Variants in CNNM3 observed in about 807,000 individuals in gnomAD.
CNNM3 encodes the protein metal transporter CNNM3.
Under a neutral mutation model 57.1 loss-of-function variants are expected in CNNM3, and 47 were observed. The observed-to-expected ratio is 0.82, with a 90% CI of 0.65 to 1.05. The LOEUF (loss-of-function observed/expected upper bound fraction) is 1.05, where lower values mean the gene tolerates loss of function less well. CNNM3 is among the 50% of genes least tolerant of loss of function. CNNM3 has a pLI of 0.00. For missense variants in CNNM3, 957 were observed against 973.7 expected (o/e 0.98, Z 0.23); for synonymous variants, 507 against 478.2 (o/e 1.06, Z -0.79).
Position 96,832,925 on chromosome 2 carries a change from C to T in CNNM3, c.*309C>T. The T allele has an allele frequency of 1.4e-6, 2 of 1,425,312 alleles. No individual in the cohort carries two copies. The highest frequency in any genetic ancestry group is 1.9e-6 in the Non-Finnish European group (2 of 1,076,584). 88.3% of individuals were successfully genotyped at this position (1,425,312 alleles called of 1,614,324 possible). On this transcript the variant is annotated 3_prime_UTR_variant, in exon 8 of 8. Coordinates refer to ENST00000305510, the MANE Select transcript of CNNM3 (RefSeq NM_017623.5). ...CCAGCCTTCCCCTTCTCCCCCGGGGCAGGGACAGTGCGGCATATTCAGATT... is the reference window on the plus strand; with the variant it reads ...CCAGCCTTCCCCTTCTCCCCCGGGGTAGGGACAGTGCGGCATATTCAGATT...
intron 5 of CNNM3, 88 bp downstream of exon 5, chr2:96,828,283 C>T (rs1480753055): frequency 1.6e-5 from 17 of 1,086,126 alleles, no homozygotes; most frequent in Non-Finnish European, 2.3e-5. Flanking sequence ...AGTGCCCCTC[C>T]TCACCTCTCC....
At position 96,829,207 on chromosome 2, in the gene CNNM3, C is replaced by T. The variant is rs2079561041; in HGVS notation, c.2059+73C>T. ...GTGAGCTCACACACACAGACTTGCA[C>T]TCTCGCCGCCCCCCCACCCTCTGTC... On this transcript the variant is annotated intron_variant, in intron 7 of 7. Transcript: ENST00000305510. The T allele has an allele frequency of 2.6e-6, 4 of 1,517,730 alleles. No homozygotes were observed. The East Asian group carries it at 9.4e-5, about 36-fold the overall frequency. The allele number at this position is 1,517,730 out of a possible 1,614,324, so 94.0% of individuals were successfully genotyped here.
chr2:96,828,680 T>C lies in CNNM3; in HGVS notation c.1900T>C (p.Ser634Pro). 5 of 1,614,176 alleles carry C rather than the reference T, an allele frequency of 3.1e-6. No individual in the cohort carries two copies. The South Asian group carries it at 3.3e-5, about 11-fold the overall frequency. Reference protein sequence around the residue: ...YCPDYTVRALSDLQLIKVTRL... With the variant: ...YCPDYTVRALPDLQLIKVTRL... ...TCCCGACTACACCGTGAGGGCGCTC[T>C]CTGATCTGCAGCTCATCAAGGTGAC... The change falls in exon 6 of 8, where the codon TCT becomes CCT. Residue 634 changes from serine to proline, a missense_variant. Coordinates refer to ENST00000305510, the MANE Select transcript of CNNM3 (RefSeq NM_017623.5).
Position 96,816,268 on chromosome 2 carries a change from G to A in CNNM3, c.-10G>A. 2 of 1,311,222 alleles carry A rather than the reference G, an allele frequency of 1.5e-6. No homozygotes were observed. The highest frequency in any genetic ancestry group is 1.9e-6 in the Non-Finnish European group (2 of 1,032,198). The allele number at this position is 1,311,222 out of a possible 1,614,324, so 81.2% of individuals were successfully genotyped here. ...AGGCTGCGCGAGAGGCCGAGAGGGG[G>A]CAGCAGGCGATGGCGGCGGCGGTAG... On this transcript the variant is annotated 5_prime_UTR_variant, in exon 1 of 8. Coordinates refer to ENST00000305510, the MANE Select transcript of CNNM3 (RefSeq NM_017623.5).
Position 96,832,747 on chromosome 2 carries a change from C to G in CNNM3, c.*131C>G. 1 of 1,539,662 alleles carries G rather than the reference C, an allele frequency of 6.5e-7. No homozygotes were observed. The highest frequency in any genetic ancestry group is 8.7e-7 in the Non-Finnish European group (1 of 1,147,998). On this transcript the variant is annotated 3_prime_UTR_variant, in exon 8 of 8. Coordinates refer to ENST00000305510, the MANE Select transcript of CNNM3 (RefSeq NM_017623.5). ...ACGTTTTAGATGGCCCTTGTAGTTG[C>G]GGGTCCTGGGTGTCCTCAGAACTAG...
intron 2 of CNNM3, among the ~76,000 whole-genome samples, 179 bp from the exon 3 acceptor site, chr2:96,826,654 G>T (rs917208044): frequency 3.9e-5 from 6 of 152,162 alleles, no homozygotes; most frequent in African/African-American, 1.4e-4. Flanking sequence ...TGTGTGGTTG[G>T]GGTGGGAGCA....
chr2:96,832,565 C>T lies in CNNM3; in HGVS notation c.2073C>T (p.Ser691=), dbSNP rs1268653337. The T allele has an allele frequency of 1.2e-6, 2 of 1,614,222 alleles. No individual in the cohort carries two copies. Among genetic ancestry groups the T allele is most frequent in the Non-Finnish European group, 1.7e-6 (2 of 1,180,046 alleles). ...TGTCTCCTGTAGGGTCCAGCCACAG[C>T]AGGCCCGGCGTCCCGGTGGAAGGCA... ...KTTTAAGSSH[S]RPGVPVEGSP... The change falls in exon 8 of 8, where the codon AGC becomes AGT. Residue 691 remains serine (S), a synonymous_variant. Transcript: ENST00000305510.
intron 7 of CNNM3, among the ~76,000 whole-genome samples, chr2:96,829,581 A>G (rs2079567432): frequency 1.3e-5 from 2 of 150,044 alleles, no homozygotes; most frequent in Non-Finnish European, 2.9e-5. Flanking sequence ...GATTACAGGC[A>G]TGAACCACTG....
intron 1 of CNNM3, among the ~76,000 whole-genome samples, chr2:96,818,706 A>G (rs2079363025): frequency 6.6e-6 from 1 of 152,018 alleles, no homozygotes; most frequent in African/African-American, 2.4e-5. Context: ...GTCCTCTCCA[A>G]CATCATCCTT....
chr2:96,817,019 A>G lies in CNNM3; in HGVS notation c.742A>G (p.Thr248Ala). The G allele has an allele frequency of 7.3e-7, 1 of 1,368,326 alleles. No individual in the cohort carries two copies. The highest frequency in any genetic ancestry group is 9.5e-7 in the Non-Finnish European group (1 of 1,056,006). The allele number at this position is 1,368,326 out of a possible 1,614,324, so 84.8% of individuals were successfully genotyped here. A position where few individuals can be genotyped will look rare whatever the true frequency, so the allele number is the denominator to read the frequency against. Residue 248 changes from threonine to alanine, a missense_variant, in exon 1 of 8, where the codon ACG becomes GCG. By Grantham distance (58) the Thr-to-Ala change is moderately conservative. Around this residue, in one of 2 missense-constraint regions of CNNM3, gnomAD observed 466 missense variants for 403.1 expected, o/e 1.16. Coordinates refer to ENST00000305510, the MANE Select transcript of CNNM3 (RefSeq NM_017623.5). ...VVPAAVSGRW[T>A]LALAPRALGL... The stretch of plus-strand genomic sequence containing the variant: ...GCCGGCCGCCGTGAGCGGGCGCTGG[A>G]CGCTGGCGCTGGCGCCGCGAGCGCT...
At chr2:96,835,714 G>A (rs773597022), downstream of CNNM3, among the ~76,000 whole-genome samples, 4 of 152,112 alleles carry the variant, frequency 2.6e-5, no homozygotes, top group African/African-American at 4.8e-5. Context: ...TGATCTGCCC[G>A]CCTCAGCCTC....
At chr2:96,830,425 G>C (rs985706101) in intron 7 of CNNM3, among the ~76,000 whole-genome samples, 41 of 152,214 alleles carry the variant, frequency 2.7e-4, no homozygotes, top group Admixed American at 2.7e-3. Flanking sequence ...ACTCTGACCT[G>C]CTTCCTGTAG....
Position 96,816,324 on chromosome 2 carries a change from C to T in CNNM3, c.47C>T (p.Ala16Val). Residue 16 changes from alanine to valine, a missense_variant, in exon 1 of 8, where the codon GCC becomes GTC. Physicochemically the swap from Ala to Val is moderately conservative, Grantham distance 64 (BLOSUM62 0). Around this residue, in one of 2 missense-constraint regions of CNNM3, gnomAD observed 466 missense variants for 403.1 expected, o/e 1.16. Coordinates refer to ENST00000305510, the MANE Select transcript of CNNM3 (RefSeq NM_017623.5). ...AAAGRLGWLF[A>V]ALCLGNAAGE... ...GCGGGTCGGTTAGGCTGGTTGTTCG[C>T]CGCGCTCTGCCTGGGCAACGCCGCG... is the stretch of plus-strand genomic sequence containing the variant. 1.6e-6 allele frequency: 2 copies of T among 1,287,422 alleles called. No individual in the cohort carries two copies. Among genetic ancestry groups the T allele is most frequent in the African/African-American group, 1.5e-5 (1 of 64,910 alleles). The allele number at this position is 1,287,422 out of a possible 1,614,324, so 79.7% of individuals were successfully genotyped here. A position where few individuals can be genotyped will look rare whatever the true frequency, so the allele number is the denominator to read the frequency against.
chr2:96,832,055 A>G, intron 7 of CNNM3: 2 of 988,070 alleles, frequency 2.0e-6, no homozygotes, highest in Non-Finnish European at 2.4e-6. Flanking sequence ...TTTTGTTTTC[A>G]GAGCACACGT....
rs1439548118 is a variant in CNNM3 at position 96,827,965 on chromosome 2, A to G, written c.1689+65A>G. ...TCAGGCCAGGGAAGGGTCTAGGAGA[A>G]GAGGGGAGCAGGGGCATGCGGATAT... is the stretch of plus-strand genomic sequence containing the variant. On this transcript the variant is annotated intron_variant, in intron 4 of 7. Transcript: ENST00000305510. 5 of 1,586,412 alleles carry G rather than the reference A, an allele frequency of 3.2e-6. No homozygotes were observed. The African/African-American group carries it at 6.7e-5, about 21-fold the overall frequency.
Position 96,816,583 on chromosome 2 carries a change from C to T in CNNM3, c.306C>T (p.Arg102=), listed in dbSNP as rs2079321475. Residue 102 remains arginine (R), a synonymous_variant, in exon 1 of 8, where the codon CGC becomes CGT. Coordinates refer to ENST00000305510, the MANE Select transcript of CNNM3 (RefSeq NM_017623.5). ...CGGGCGAGTGGCGCGCGCTGCTGCG[C>T]TTGCGCCTGCGGGCCGAGGCCGTGC... The part of the protein sequence containing the change: ...SPAGEWRALL[R]LRLRAEAVRP... The T allele has an allele frequency of 3.2e-6, 4 of 1,266,600 alleles. No homozygotes were observed. In the South Asian group the frequency reaches 8.1e-5, roughly 26 times the overall value. 78.5% of individuals were successfully genotyped at this position (1,266,600 alleles called of 1,614,324 possible). A position where few individuals can be genotyped will look rare whatever the true frequency, so the allele number is the denominator to read the frequency against.
chr2:96,818,381 C>G (rs62152791), intron 1 of CNNM3, among the ~76,000 whole-genome samples: 1 of 147,018 alleles, frequency 6.8e-6, no homozygotes, highest in African/African-American at 2.7e-5. Context: ...CTGTGCCCGG[C>G]CCTTTTTTTT....
At chr2:96,824,299 G>A (rs1236945474) in intron 1 of CNNM3, among the ~76,000 whole-genome samples, 1 of 152,172 alleles carries the variant, frequency 6.6e-6, no homozygotes, top group Non-Finnish European at 1.5e-5. Flanking sequence ...GGGTAAGGTG[G>A]AAAATCTCAG....
intron 7 of CNNM3, chr2:96,829,406 T>C (rs2079564822): frequency 4.7e-6 from 1 of 214,218 alleles, no homozygotes; most frequent in Admixed American, 6.6e-5. Flanking sequence ...GTTCAAGCAG[T>C]TCTCCTGTCT....
Sources: allele counts gnomAD v4.1 joint callset (sites outside exome capture counted in the v4.1 genomes callset), GRCh38; gene constraint gnomAD v4.1.1; regional missense constraint gnomAD v4.1.1; transcripts MANE v1.5; gene names NCBI Gene and HGNC (gene_info 2026-07-23, HGNC 2026-07-21).